The following MAST4 variants were observed in gnomAD, a reference collection of about 807,000 sequenced individuals.
The protein encoded by MAST4 is microtubule-associated serine/threonine-protein kinase 4.
A neutral mutation model predicts 162.7 loss-of-function variants in MAST4; 89 were observed. The ratio of observed to expected loss-of-function variants is 0.55; its 90% CI spans 0.46 to 0.65. The LOEUF (loss-of-function observed/expected upper bound fraction) is 0.65. Among genes scored for constraint, MAST4 ranks in the 30% least tolerant of loss-of-function variants. The pLI, the probability that MAST4 is intolerant of heterozygous loss-of-function variation, is 0.00. For synonymous variants in MAST4, 1,479 were observed against 1,361.1 expected (o/e 1.09, Z -1.91); for missense variants, 3,153 against 3,374.0 (o/e 0.93, Z 1.62).
chr5:66,597,245 A>C (rs1451642479), intron 1 of MAST4, among the ~76,000 whole-genome samples: 1 of 152,050 alleles, frequency 6.6e-6, no homozygotes. Context: ...GTGCTGCCTG[A>C]TGGTGTGTTT....
chr5:67,038,176 C>A (rs1311403645), intron 4 of MAST4, among the ~76,000 whole-genome samples: 1 of 151,794 alleles, frequency 6.6e-6, no homozygotes, highest in Non-Finnish European at 1.5e-5. Context: ...CTTTCTCTAA[C>A]AGTTGCAATT....
intron 26 of MAST4, among the ~76,000 whole-genome samples, chr5:67,159,436 C>G (rs1561189089): frequency 6.6e-6 from 1 of 152,200 alleles, no homozygotes; most frequent in East Asian, 1.9e-4. Context: ...ACAGTCATTC[C>G]CTGTCTTTTC....
chr5:66,968,098 C>CCAT (rs1181677919), intron 4 of MAST4, among the ~76,000 whole-genome samples: 1 of 152,156 alleles, frequency 6.6e-6, no homozygotes, highest in African/African-American at 2.4e-5. Flanking sequence ...GCACGCCTTG[C>CCAT]CATCAATAGG....
At chr5:67,002,120 TC>T (rs1242830350) in intron 4 of MAST4, 2 of 152,266 alleles carry the variant, frequency 1.3e-5, no homozygotes, top group East Asian at 3.9e-4. Context: ...CAAAGGGAAT[TC>T]CCCTTGAGTT....
At chr5:66,824,162 T>C (rs773819198) in intron 3 of MAST4, among the ~76,000 whole-genome samples, 28 of 152,220 alleles carry the variant, frequency 1.8e-4, no homozygotes, top group Non-Finnish European at 3.1e-4. Flanking sequence ...ATATTTACTT[T>C]ATGGCTGTCT....
chr5:67,015,641 C>T (rs1335039465), intron 4 of MAST4, among the ~76,000 whole-genome samples: 1 of 152,148 alleles, frequency 6.6e-6, no homozygotes, highest in African/African-American at 2.4e-5. Context: ...GGCTATATAT[C>T]TCCACTTTCA....
intron 1 of MAST4, among the ~76,000 whole-genome samples, chr5:66,720,682 C>A (rs999672200): frequency 1.3e-5 from 2 of 151,996 alleles, no homozygotes; most frequent in Non-Finnish European, 2.9e-5. Flanking sequence ...ATATTCTAAT[C>A]CTTTAATTTC....
In MAST4 at chr5:67,090,147, T is replaced by C; in HGVS notation, c.764-15T>C. ...AAAATCATGTAGTAAATTTCTCTCT[T>C]TTCTCTTTCTCTAGGAAATAGCCCT... On this transcript the variant is annotated splice_polypyrimidine_tract_variant and intron_variant, in intron 5 of 28. Transcript: ENST00000403625. The C allele has an allele frequency of 6.3e-7, 1 of 1,581,472 alleles. No individual in the cohort carries two copies. Among genetic ancestry groups the C allele is most frequent in the South Asian group, 1.1e-5 (1 of 89,412 alleles).
At chr5:66,912,219 T>C (rs956082499) in intron 4 of MAST4, among the ~76,000 whole-genome samples, 51 of 152,152 alleles carry the variant, frequency 3.4e-4, no homozygotes, top group African/African-American at 1.2e-3. Flanking sequence ...CAGGACAAAG[T>C]GAGGGAGAGT....
At chr5:66,975,616 G>A (rs1748047836) in intron 4 of MAST4, among the ~76,000 whole-genome samples, 1 of 152,102 alleles carries the variant, frequency 6.6e-6, no homozygotes, top group Non-Finnish European at 1.5e-5. Flanking sequence ...GAAACACAAG[G>A]GCATCCTTAA....
intron 1 of MAST4, among the ~76,000 whole-genome samples, chr5:66,682,492 T>A (rs1748394218): frequency 6.6e-6 from 1 of 152,206 alleles, no homozygotes; most frequent in Non-Finnish European, 1.5e-5. Context: ...TGGAGTCAGA[T>A]CTGCTTTGAA....
chr5:67,159,712 G>A (rs1339191868), intron 26 of MAST4, among the ~76,000 whole-genome samples: 4 of 152,056 alleles, frequency 2.6e-5, no homozygotes, highest in East Asian at 1.9e-4. Flanking sequence ...CTGACTCCAC[G>A]CTCAGTTCCA....
At chr5:66,775,920 C>A (rs970878836) in intron 2 of MAST4, among the ~76,000 whole-genome samples, 6 of 151,994 alleles carry the variant, frequency 3.9e-5, no homozygotes, top group Non-Finnish European at 8.8e-5. Context: ...TTCCTTAAGA[C>A]AAAAATATTA....
chr5:67,037,026 T>C (rs1756104816), intron 4 of MAST4, among the ~76,000 whole-genome samples: 1 of 152,154 alleles, frequency 6.6e-6, no homozygotes, highest in Non-Finnish European at 1.5e-5. Context: ...TTGTTGTTAA[T>C]TGGCTTGATT....
chr5:67,010,897 G>C (rs888506691), intron 4 of MAST4, among the ~76,000 whole-genome samples: 9 of 152,128 alleles, frequency 5.9e-5, no homozygotes, highest in Admixed American at 6.5e-5. Flanking sequence ...GAACAGGGGT[G>C]GTGGCCACTC....
chr5:66,772,901 G>A (rs886980958), intron 2 of MAST4, among the ~76,000 whole-genome samples: 17 of 152,090 alleles, frequency 1.1e-4, no homozygotes, highest in Non-Finnish European at 2.2e-4. Flanking sequence ...GTAGAAAATG[G>A]GTTTTCTTCA....
At chr5:67,013,011 A>C (rs1020121514) in intron 4 of MAST4, among the ~76,000 whole-genome samples, 1 of 152,328 alleles carries the variant, frequency 6.6e-6, no homozygotes, top group East Asian at 1.9e-4. Context: ...TCATTACTGT[A>C]TATCTCTTAT....
At chr5:66,846,328 TTAGTTTGG>T (rs369030832) in intron 3 of MAST4, among the ~76,000 whole-genome samples, 1 of 152,148 alleles carries the variant, frequency 6.6e-6, no homozygotes, top group African/African-American at 2.4e-5. Context: ...GCGAAGGTGG[TTAGTTTGG>T]TAGAAAAATT....
intron 1 of MAST4, among the ~76,000 whole-genome samples, chr5:66,659,430 G>A (rs7706654): frequency 0.5 from 75,703 of 152,050 alleles, 19,218 homozygotes; most frequent in South Asian, 0.65. Context: ...CAATGAGACA[G>A]TGGATTTGTA....
Sources: allele counts gnomAD v4.1 joint callset (sites outside exome capture counted in the v4.1 genomes callset), GRCh38; gene constraint gnomAD v4.1.1; transcripts MANE v1.5; gene names NCBI Gene and HGNC (gene_info 2026-07-23, HGNC 2026-07-21).